The following LIN52 variants were observed in gnomAD, a reference collection of about 807,000 sequenced individuals.
The protein encoded by LIN52 is protein lin-52 homolog.
A neutral mutation model predicts 18.5 loss-of-function variants in LIN52; 4 were observed. That is an observed-to-expected ratio of 0.22 (90% CI 0.11 to 0.49). LIN52 has a LOEUF of 0.49. Ranked by LOEUF, LIN52 falls within the 20% of genes least tolerant of loss-of-function variation. The pLI is 0.97. For missense variants in LIN52, 102 were observed against 139.5 expected, an observed-to-expected ratio of 0.73 and a Z score of 1.35; for synonymous variants, 34 against 45.5, an observed-to-expected ratio of 0.75 and a Z score of 1.02.
chr14:74,124,810 C>CAAAAA (rs5809648), intron 5 of LIN52, among the ~76,000 whole-genome samples: 4,543 of 59,382 alleles, frequency 0.077, 359 homozygotes, highest in South Asian at 0.22. Flanking sequence ...GACCCTGTCT[C>CAAAAA]AAAAAAAAAA....
chr14:74,171,667 C>A (rs972530166), intron 5 of LIN52, among the ~76,000 whole-genome samples: 1 of 151,286 alleles, frequency 6.6e-6, no homozygotes, highest in South Asian at 2.1e-4. Context: ...CTTACATAGA[C>A]CTAGAAATAG....
intron 5 of LIN52, among the ~76,000 whole-genome samples, chr14:74,116,746 G>T (rs997967650): frequency 4.0e-5 from 6 of 150,080 alleles, no homozygotes; most frequent in African/African-American, 1.5e-4. Flanking sequence ...AGCACTAAAG[G>T]GCATTTCATG....
intron 5 of LIN52, among the ~76,000 whole-genome samples, chr14:74,141,568 C>A (rs889078695): frequency 3.9e-5 from 6 of 152,268 alleles, no homozygotes; most frequent in Non-Finnish European, 8.8e-5. Context: ...AAGTGATTTT[C>A]CTTACTTCAG....
chr14:74,191,854 C>T (rs1479046025), intron 5 of LIN52, among the ~76,000 whole-genome samples: 1 of 152,132 alleles, frequency 6.6e-6, no homozygotes, highest in Non-Finnish European at 1.5e-5. Context: ...CCAGGATGGT[C>T]ACGATCTCCT....
At chr14:74,157,939 T>C (rs2061206716) in intron 5 of LIN52, among the ~76,000 whole-genome samples, 1 of 152,144 alleles carries the variant, frequency 6.6e-6, no homozygotes, top group African/African-American at 2.4e-5. Context: ...AGATGGTGTT[T>C]CAAATGTTCA....
At chr14:74,129,467 TGA>T (rs1189885720) in intron 5 of LIN52, among the ~76,000 whole-genome samples, 3 of 152,044 alleles carry the variant, frequency 2.0e-5, no homozygotes, top group Non-Finnish European at 2.9e-5. Flanking sequence ...ACAAGGGAAA[TGA>T]GAGAGGATAG....
chr14:74,100,620 C>T (rs1460423544), intron 4 of LIN52, among the ~76,000 whole-genome samples: 2 of 152,116 alleles, frequency 1.3e-5, no homozygotes, highest in South Asian at 2.1e-4. Context: ...GGACTACAGG[C>T]GCCTGCCACC....
In LIN52 at chr14:74,085,037, G is replaced by T. The variant is rs780224857; in HGVS notation, c.19+44G>T. 18 of 1,359,506 alleles carry T rather than the reference G, an allele frequency of 1.3e-5. No homozygotes were observed. The South Asian group carries it at 3.0e-4, about 23-fold the overall frequency. The allele number at this position is 1,359,506 out of a possible 1,614,324, so 84.2% of individuals were successfully genotyped here. On this transcript the variant is annotated intron_variant, in intron 1 of 5. Coordinates refer to ENST00000555028, the MANE Select transcript of LIN52 (RefSeq NM_001024674.3). Reference sequence around the variant, plus strand: ...ATCTTTGCCTGCAGCCTCCTTCTTTGCTCTACTGGGAACATCCACTCTGTC... The same window carrying T: ...ATCTTTGCCTGCAGCCTCCTTCTTTTCTCTACTGGGAACATCCACTCTGTC...
rs1555382571 is a variant in LIN52, at chr14:74,130,278, G to GTTTGTTTTTTTTTTTT, written c.283+29043_283+29044insGTTTTTTTTTTTTTTT. 3.3e-3 allele frequency among the ~76,000 whole-genome samples: 213 copies of GTTTGTTTTTTTTTTTT among 64,824 alleles called. 16 individuals are homozygous for GTTTGTTTTTTTTTTTT. Among genetic ancestry groups the GTTTGTTTTTTTTTTTT allele is most frequent in the African/African-American group, 0.013 (208 of 15,882 alleles). 42.5% of individuals were successfully genotyped at this position (64,824 alleles called of 152,430 possible). On this transcript the variant is annotated intron_variant, in intron 5 of 5. Coordinates refer to ENST00000555028, the MANE Select transcript of LIN52 (RefSeq NM_001024674.3). Reference sequence around the variant, plus strand: ...GAATTTATTAGATAGGCATTTTTTGGTTTTTTTTTTTTTTTTTTGAGACAG... The same window carrying GTTTGTTTTTTTTTTTT: ...GAATTTATTAGATAGGCATTTTTTGGTTTGTTTTTTTTTTTTTTTTTTTTTTTTTTTTTTGAGACAG...
intron 5 of LIN52, among the ~76,000 whole-genome samples, chr14:74,110,584 C>T (rs918907622): frequency 1.3e-5 from 2 of 151,312 alleles, no homozygotes; most frequent in African/African-American, 2.4e-5. Context: ...GCAGGAGAAT[C>T]GCTTGAACCT....
chr14:74,108,816 C>G (rs1466458706), intron 5 of LIN52, among the ~76,000 whole-genome samples: 4 of 152,050 alleles, frequency 2.6e-5, no homozygotes, highest in East Asian at 3.9e-4. Flanking sequence ...ATGACATTAT[C>G]AGATATATGA....
intron 5 of LIN52, among the ~76,000 whole-genome samples, chr14:74,102,807 T>C (rs977517341): frequency 6.6e-6 from 1 of 152,238 alleles, no homozygotes; most frequent in Non-Finnish European, 1.5e-5. Flanking sequence ...GCTGAAATTA[T>C]GGTTCCTCTA....
intron 2 of LIN52, among the ~76,000 whole-genome samples, chr14:74,092,413 C>T (rs1331381604): frequency 6.7e-6 from 1 of 150,342 alleles, no homozygotes; most frequent in Non-Finnish European, 1.5e-5. Context: ...TCAAGCGATT[C>T]TCCTGCCTCG....
chr14:74,148,371 A>G (rs2061162345), intron 5 of LIN52, among the ~76,000 whole-genome samples: 1 of 152,188 alleles, frequency 6.6e-6, no homozygotes, highest in Admixed American at 6.5e-5. Context: ...TGGGTGTCAA[A>G]AATACATAAG....
chr14:74,183,300 CAT>C, intron 5 of LIN52, among the ~76,000 whole-genome samples: 1 of 152,024 alleles, frequency 6.6e-6, no homozygotes, highest in Non-Finnish European at 1.5e-5. Flanking sequence ...GGGGATTCAC[CAT>C]GTTAGCCAGG....
intron 5 of LIN52, among the ~76,000 whole-genome samples, chr14:74,185,810 A>G (rs141186874): frequency 6.6e-6 from 1 of 152,008 alleles, no homozygotes; most frequent in Non-Finnish European, 1.5e-5. Context: ...CTCAGGCTGG[A>G]GTGTAGTGAC....
At chr14:74,139,292 T>G (rs1343264573) in intron 5 of LIN52, among the ~76,000 whole-genome samples, 1 of 152,232 alleles carries the variant, frequency 6.6e-6, no homozygotes, top group Non-Finnish European at 1.5e-5. Flanking sequence ...AGAGGGAACA[T>G]GGATCTTGGA....
At chr14:74,179,428 G>A (rs756719802) in intron 5 of LIN52, among the ~76,000 whole-genome samples, 6 of 152,128 alleles carry the variant, frequency 3.9e-5, no homozygotes, top group Non-Finnish European at 8.8e-5. Flanking sequence ...GGAAGGCCTA[G>A]GCAGGCGGAT....
intron 5 of LIN52, among the ~76,000 whole-genome samples, chr14:74,119,128 A>G (rs1169587807): frequency 6.8e-6 from 1 of 146,480 alleles, no homozygotes; most frequent in Non-Finnish European, 1.5e-5. Flanking sequence ...TATTTTTGAT[A>G]TATATCTTTT....
Sources: allele counts gnomAD v4.1 joint callset (sites outside exome capture counted in the v4.1 genomes callset), GRCh38; gene constraint gnomAD v4.1.1; transcripts MANE v1.5; gene names NCBI Gene and HGNC (gene_info 2026-07-23, HGNC 2026-07-21).